The following ADAMTSL1 variants were observed in gnomAD, a reference collection of about 807,000 sequenced individuals.
ADAMTSL1 encodes the protein ADAMTS like 1.
Under a neutral mutation model 201.8 loss-of-function variants are expected in ADAMTSL1, and 126 were observed. The observed-to-expected ratio is 0.62, with a 90% CI of 0.54 to 0.72. The LOEUF is 0.72. ADAMTSL1 is among the 30% of genes least tolerant of loss of function. The pLI is 0.00. For synonymous variants in ADAMTSL1, 1,121 were observed against 903.4 expected (o/e 1.24, Z -4.32); for missense variants, 2,679 against 2,277.8 (o/e 1.18, Z -3.59).
intron 20 of ADAMTSL1, among the ~76,000 whole-genome samples, chr9:18,798,538 G>A (rs1822575022): frequency 6.6e-6 from 1 of 152,166 alleles, no homozygotes; most frequent in Non-Finnish European, 1.5e-5. Context: ...TTTACAGTGG[G>A]AGAGACTCCT....
intron 2 of ADAMTSL1, among the ~76,000 whole-genome samples, chr9:18,261,447 G>A (rs986886113): frequency 1.3e-5 from 2 of 152,166 alleles, no homozygotes; most frequent in African/African-American, 4.8e-5. Context: ...AATCCCTCAG[G>A]AAGCTCGAGA....
At chr9:18,665,353 A>G (rs1429739533) in intron 9 of ADAMTSL1, among the ~76,000 whole-genome samples, 1 of 152,138 alleles carries the variant, frequency 6.6e-6, no homozygotes, top group Admixed American at 6.6e-5. Context: ...CATAAATATC[A>G]TCAGTATTTG....
chr9:18,098,776 C>A (rs927306261), intron 1 of ADAMTSL1, among the ~76,000 whole-genome samples: 1 of 152,118 alleles, frequency 6.6e-6, no homozygotes, highest in African/African-American at 2.4e-5. Flanking sequence ...CCTAAGGATT[C>A]CAGCCAATTC....
At chr9:18,302,288 C>T (rs909148556) in intron 2 of ADAMTSL1, among the ~76,000 whole-genome samples, 1 of 152,160 alleles carries the variant, frequency 6.6e-6, no homozygotes, top group Non-Finnish European at 1.5e-5. Flanking sequence ...GATACTGATA[C>T]ATTTCCTAGA....
intron 2 of ADAMTSL1, among the ~76,000 whole-genome samples, chr9:18,421,248 C>T (rs750958047): frequency 1.6e-4 from 25 of 152,180 alleles, no homozygotes; most frequent in African/African-American, 5.8e-4. Flanking sequence ...AAAGTAATAT[C>T]CCATTGGTAA....
In ADAMTSL1 at chr9:18,905,778, C is replaced by G. The variant is rs767815572; in HGVS notation, c.4852-4C>G. The G allele has an allele frequency of 6.0e-5, 97 of 1,611,206 alleles. No individual in the cohort carries two copies. Among genetic ancestry groups the G allele is most frequent in the Non-Finnish European group, 8.1e-5 (96 of 1,178,610 alleles). On this transcript the variant is annotated splice_polypyrimidine_tract_variant and splice_region_variant and intron_variant, in intron 26 of 28. Transcript: ENST00000380548. ...GCGGTATGTTACCTTTTTCTGCTTT[C>G]CAGTGCAATGGGCCTTGCATCGGGC...
intron 4 of ADAMTSL1, among the ~76,000 whole-genome samples, chr9:18,596,365 T>A (rs187681617): frequency 7.1e-4 from 108 of 152,334 alleles, no homozygotes; most frequent in African/African-American, 2.5e-3. Context: ...GCTTCTGATC[T>A]TACTATCTGT....
chr9:17,943,136 C>T (rs1827310858), intron 1 of ADAMTSL1, among the ~76,000 whole-genome samples: 1 of 152,028 alleles, frequency 6.6e-6, no homozygotes. Context: ...TTGACAGAGT[C>T]TCACTATGTT....
intron 2 of ADAMTSL1, among the ~76,000 whole-genome samples, chr9:18,360,397 G>T (rs1836464913): frequency 6.6e-6 from 1 of 152,162 alleles, no homozygotes. Flanking sequence ...TCCAGTTCTG[G>T]TTCTGTCATT....
chr9:18,267,320 G>A (rs763660104), intron 2 of ADAMTSL1, among the ~76,000 whole-genome samples: 27 of 152,110 alleles, frequency 1.8e-4, no homozygotes, highest in Non-Finnish European at 2.8e-4. Flanking sequence ...GGTATTTAAA[G>A]GGTAGCATTT....
chr9:18,864,813 C>G (rs1018062747), intron 23 of ADAMTSL1, among the ~76,000 whole-genome samples: 2 of 152,214 alleles, frequency 1.3e-5, no homozygotes, highest in Non-Finnish European at 2.9e-5. Context: ...TACATCTGGA[C>G]TGATGCCCTG....
In ADAMTSL1 at chr9:18,644,445, G is replaced by A. The variant is rs183592073; in HGVS notation, c.834+5034G>A. Reference sequence around the variant, plus strand: ...GTACATATGCACAATGTGCAGGTTAGTTACATATGTATACATGTGGCATGC... The same window carrying A: ...GTACATATGCACAATGTGCAGGTTAATTACATATGTATACATGTGGCATGC... On this transcript the variant is annotated intron_variant, in intron 7 of 28. Coordinates refer to ENST00000380548, the MANE Select transcript of ADAMTSL1 (RefSeq NM_001040272.6). Among the ~76,000 whole-genome samples the A allele has an allele frequency of 4.0e-5, 6 of 151,862 alleles. No individual in the cohort carries two copies. The East Asian group carries it at 1.2e-3, about 29-fold the overall frequency.
At chr9:18,600,247 A>C (rs1206468027) in intron 4 of ADAMTSL1, among the ~76,000 whole-genome samples, 1 of 152,150 alleles carries the variant, frequency 6.6e-6, no homozygotes, top group East Asian at 1.9e-4. Flanking sequence ...TGGTAATGAT[A>C]AGAATAGAAA....
At chr9:18,890,402 C>G (rs1433029477) in intron 25 of ADAMTSL1, among the ~76,000 whole-genome samples, 1 of 152,136 alleles carries the variant, frequency 6.6e-6, no homozygotes, top group Admixed American at 6.5e-5. Flanking sequence ...CTGTCCTCAG[C>G]AGTAGTTAAA....
chr9:18,236,117 C>G (rs1365529722), intron 2 of ADAMTSL1, among the ~76,000 whole-genome samples: 1 of 152,196 alleles, frequency 6.6e-6, no homozygotes, highest in Non-Finnish European at 1.5e-5. Context: ...ATCTATCGGG[C>G]TGGAGTGCAG....
intron 2 of ADAMTSL1, among the ~76,000 whole-genome samples, chr9:18,526,671 A>G (rs1279167693): frequency 6.6e-6 from 1 of 152,038 alleles, no homozygotes; most frequent in African/African-American, 2.4e-5. Context: ...TTGTCTGTAA[A>G]GGTTTTTATT....
intron 2 of ADAMTSL1, among the ~76,000 whole-genome samples, chr9:18,296,180 T>C (rs1248038846): frequency 6.6e-6 from 1 of 152,160 alleles, no homozygotes; most frequent in Non-Finnish European, 1.5e-5. Context: ...TAAAGACAAC[T>C]AGTCTCTTGA....
At chr9:18,267,501 T>C (rs966886473) in intron 2 of ADAMTSL1, among the ~76,000 whole-genome samples, 15 of 152,138 alleles carry the variant, frequency 9.9e-5, no homozygotes, top group African/African-American at 3.4e-4. Flanking sequence ...GTAAAATTTG[T>C]GCATTACCAT....
chr9:18,324,182 C>T (rs369846565), intron 2 of ADAMTSL1, among the ~76,000 whole-genome samples: 8 of 152,056 alleles, frequency 5.3e-5, no homozygotes, highest in Non-Finnish European at 1.2e-4. Flanking sequence ...TTACTTTTTA[C>T]AAAATCATCA....
Sources: allele counts gnomAD v4.1 joint callset (sites outside exome capture counted in the v4.1 genomes callset), GRCh38; gene constraint gnomAD v4.1.1; transcripts MANE v1.5; gene names NCBI Gene and HGNC (gene_info 2026-07-23, HGNC 2026-07-21).